PTPRR: variants seen among roughly 807,000 people sequenced by gnomAD.
The protein encoded by PTPRR is protein tyrosine phosphatase receptor type R, also known as receptor-type tyrosine-protein phosphatase R.
In PTPRR, 38 loss-of-function variants were observed where a neutral mutation model predicts 77.2. The observed-to-expected ratio is 0.49, with a 90% CI of 0.38 to 0.65. PTPRR has a LOEUF of 0.65. Ranked by LOEUF, PTPRR falls within the 30% of genes least tolerant of loss-of-function variation. The pLI, the probability that PTPRR is intolerant of heterozygous loss-of-function variation, is 0.00. For missense variants in PTPRR, 744 were observed against 799.2 expected (o/e 0.93, Z 0.83); for synonymous variants, 299 against 283.1 (o/e 1.06, Z -0.57).
At chr12:70,709,115 G>T (rs1437144871) in intron 6 of PTPRR, among the ~76,000 whole-genome samples, 1 of 151,976 alleles carries the variant, frequency 6.6e-6, no homozygotes, top group Non-Finnish European at 1.5e-5. Flanking sequence ...ACATCAAAAA[G>T]CTTACCCACT....
chr12:70,881,095 C>T (rs1169077556), intron 2 of PTPRR, among the ~76,000 whole-genome samples: 1 of 152,066 alleles, frequency 6.6e-6, no homozygotes, highest in Non-Finnish European at 1.5e-5. Flanking sequence ...CCTAAAATTT[C>T]CTATTTAAAA....
chr12:70,882,078 A>G (rs1017413677), intron 2 of PTPRR, among the ~76,000 whole-genome samples: 1 of 152,128 alleles, frequency 6.6e-6, no homozygotes, highest in Non-Finnish European at 1.5e-5. Flanking sequence ...CAACCTGGTT[A>G]AAGGTTTTTA....
At chr12:70,698,439 G>C (rs762430065) in intron 7 of PTPRR, 90 bp from the exon 8 acceptor site, 51 of 1,107,868 alleles carry the variant, frequency 4.6e-5, no homozygotes, top group Non-Finnish European at 6.7e-5. Flanking sequence ...AGTTCTATTG[G>C]ACTTCAAAGC....
At chr12:70,886,505 T>C (rs17108988) in intron 2 of PTPRR, among the ~76,000 whole-genome samples, 3,537 of 152,290 alleles carry the variant, frequency 0.023, 133 homozygotes, top group African/African-American at 0.08. Context: ...GAAATGGCTA[T>C]TATGGATCCT....
intron 10 of PTPRR, among the ~76,000 whole-genome samples, chr12:70,681,784 G>T (rs1887671224): frequency 6.6e-6 from 1 of 152,174 alleles, no homozygotes; most frequent in Admixed American, 6.5e-5. Flanking sequence ...AATCTGTGAG[G>T]TATATGCTGA....
chr12:70,913,744 C>G (rs775391448), intron 1 of PTPRR, among the ~76,000 whole-genome samples: 6 of 152,054 alleles, frequency 3.9e-5, no homozygotes, highest in Admixed American at 2.6e-4. Flanking sequence ...GTAAATTGCA[C>G]TAAGGTGGCA....
intron 1 of PTPRR, among the ~76,000 whole-genome samples, chr12:70,894,571 C>T (rs1893393246): frequency 6.6e-6 from 1 of 151,700 alleles, no homozygotes; most frequent in South Asian, 2.1e-4. Flanking sequence ...AGAAACTCTT[C>T]TAGGACACTA....
intron 2 of PTPRR, among the ~76,000 whole-genome samples, chr12:70,778,067 T>A (rs7304142): frequency 0.38 from 57,124 of 152,112 alleles, 13,157 homozygotes; most frequent in African/African-American, 0.65. Flanking sequence ...TGGGTTTCAT[T>A]TCAAATCGCT....
chr12:70,781,483 C>A (rs143417375), intron 2 of PTPRR, among the ~76,000 whole-genome samples: 172 of 152,252 alleles, frequency 1.1e-3, no homozygotes, highest in African/African-American at 3.9e-3. Context: ...GTTCAAGGTG[C>A]ATTGGGAGGG....
At chr12:70,730,194 C>T (rs922872632) in intron 6 of PTPRR, among the ~76,000 whole-genome samples, 8 of 152,078 alleles carry the variant, frequency 5.3e-5, no homozygotes, top group Non-Finnish European at 1.2e-4. Context: ...CTGCCACCTG[C>T]AGGTCATATA....
chr12:70,878,492 A>G, intron 2 of PTPRR, among the ~76,000 whole-genome samples: 1 of 152,266 alleles, frequency 6.6e-6, no homozygotes. Context: ...GAAAAGACAC[A>G]TGAAAAAATG....
At chr12:70,754,170 T>C in intron 5 of PTPRR, 21 bp downstream of exon 5, 2 of 1,608,372 alleles carry the variant, frequency 1.2e-6, no homozygotes, top group Middle Eastern at 1.7e-4. Context: ...AAGGATAAAA[T>C]ATACAAAGAA....
intron 2 of PTPRR, among the ~76,000 whole-genome samples, chr12:70,887,129 T>C (rs892283234): frequency 3.3e-5 from 5 of 152,210 alleles, no homozygotes; most frequent in African/African-American, 1.2e-4. Flanking sequence ...AATTTGTTCC[T>C]GAAAACTATC....
At position 70,639,265 on chromosome 12, in the gene PTPRR, C is replaced by T. The variant is rs1142272; in HGVS notation, c.1893G>A (p.Val631=). 8 of 1,612,858 alleles carry T rather than the reference C, an allele frequency of 5.0e-6. No individual in the cohort carries two copies. The highest frequency in any genetic ancestry group is 2.2e-5 in the East Asian group (1 of 44,890). Residue 631 remains valine (V), a synonymous_variant, in exon 14 of 14, where the codon GTG becomes GTA. Coordinates refer to ENST00000283228, the MANE Select transcript of PTPRR (RefSeq NM_002849.4). The part of the protein sequence containing the change: ...CQLRMDRGGM[V]QTSEQYEFVH... ...CAAATTCATACTGCTCACTGGTTTG[C>T]ACCATTCCACCTCTGCAAGGAAGAA...
chr12:70,805,510 T>C (rs964652171), intron 2 of PTPRR, among the ~76,000 whole-genome samples: 13 of 151,976 alleles, frequency 8.6e-5, no homozygotes, highest in Non-Finnish European at 1.8e-4. Flanking sequence ...GGCACCCCCA[T>C]GGTGGGTTCC....
chr12:70,660,620 C>T (rs1886763173), intron 12 of PTPRR, among the ~76,000 whole-genome samples: 1 of 152,202 alleles, frequency 6.6e-6, no homozygotes, highest in African/African-American at 2.4e-5. Context: ...GTGTACAAGA[C>T]TGATGAGACT....
chr12:70,639,046 G>C lies in PTPRR; in HGVS notation c.*138C>G. On this transcript the variant is annotated 3_prime_UTR_variant, in exon 14 of 14. Coordinates refer to ENST00000283228, the MANE Select transcript of PTPRR (RefSeq NM_002849.4). ...CTGGAAATCTTAAATATGTTGCCCAGTCTTCCACAATCCATGCCATACATG... is the reference window on the plus strand; with the variant it reads ...CTGGAAATCTTAAATATGTTGCCCACTCTTCCACAATCCATGCCATACATG... The C allele has an allele frequency of 2.8e-6, 2 of 705,532 alleles. No homozygotes were observed. Among genetic ancestry groups the C allele is most frequent in the Admixed American group, 2.4e-5 (1 of 41,760 alleles). 43.7% of individuals were successfully genotyped at this position (705,532 alleles called of 1,614,324 possible). A position where few individuals can be genotyped will look rare whatever the true frequency, so the allele number is the denominator to read the frequency against.
intron 10 of PTPRR, among the ~76,000 whole-genome samples, chr12:70,675,416 A>G (rs548575635): frequency 1.3e-5 from 2 of 151,900 alleles, no homozygotes; most frequent in African/African-American, 4.8e-5. Flanking sequence ...TCTCTCTTCT[A>G]CCAGATTGGA....
intron 2 of PTPRR, among the ~76,000 whole-genome samples, chr12:70,883,572 A>G (rs899203671): frequency 7.9e-5 from 12 of 152,208 alleles, no homozygotes; most frequent in African/African-American, 2.9e-4. Context: ...GCAAGTATTT[A>G]AGAACTGTTG....
Sources: gnomAD v4.1 joint callset for allele counts (sites outside exome capture counted in the v4.1 genomes callset) on GRCh38, gnomAD v4.1.1 for gene constraint, MANE v1.5 for transcripts, NCBI Gene and HGNC (gene_info 2026-07-23, HGNC 2026-07-21) for gene names.